CDH17: variants seen among roughly 807,000 people sequenced by gnomAD.
CDH17 encodes the protein cadherin 17.
Under a neutral mutation model 86.3 loss-of-function variants are expected in CDH17, and 67 were observed. The ratio of observed to expected loss-of-function variants is 0.78; its 90% CI spans 0.64 to 0.95. The LOEUF is 0.95. CDH17 is among the 40% of genes least tolerant of loss of function. CDH17 has a pLI of 0.00. For synonymous variants in CDH17, 367 were observed against 366.4 expected, an observed-to-expected ratio of 1.00 and a Z score of -0.02; for missense variants, 993 against 1,017.6, an observed-to-expected ratio of 0.98 and a Z score of 0.33.
intron 3 of CDH17, among the ~76,000 whole-genome samples, chr8:94,188,170 T>C (rs1477407340): frequency 1.3e-5 from 2 of 152,198 alleles, no homozygotes; most frequent in South Asian, 2.1e-4. Flanking sequence ...ATTATGGTCA[T>C]GGAACCTACT....
Position 94,189,194 on chromosome 8 carries a change from A to G in CDH17, c.143T>C (p.Ile48Thr), listed in dbSNP as rs749135119. 16 of 1,610,876 alleles carry G rather than the reference A, an allele frequency of 9.9e-6. No individual in the cohort carries two copies. Among genetic ancestry groups the G allele is most frequent in the African/African-American group, 1.3e-5 (1 of 74,706 alleles). Residue 48 changes from isoleucine (I) to threonine (T), a missense_variant, in exon 3 of 18, where the codon ATA becomes ACA. Ile to Thr is a moderately conservative substitution (Grantham distance 89, BLOSUM62 -1). Coordinates refer to ENST00000027335, the MANE Select transcript of CDH17 (RefSeq NM_004063.4). ...IYEGQEPSQIIFQFKANPPAV... is the reference protein window; with the variant it reads ...IYEGQEPSQITFQFKANPPAV... The stretch of plus-strand genomic sequence containing the variant: ...ATCAAGGGTAGCTTTTACCTGGAAT[A>G]TAATTTGACTCGGTTCTTGGCCTTC...
At chr8:94,150,309 C>G (rs1440430400) in intron 13 of CDH17, among the ~76,000 whole-genome samples, 2 of 152,080 alleles carry the variant, frequency 1.3e-5, no homozygotes, top group Non-Finnish European at 2.9e-5. Flanking sequence ...TGGGGGACGG[C>G]AGGGGCAAGG....
In CDH17 at chr8:94,151,852, C is replaced by A. The variant is rs779570353; in HGVS notation, c.1796+16G>T. 16 of 1,613,798 alleles carry A rather than the reference C, an allele frequency of 9.9e-6. No individual in the cohort carries two copies. On this transcript the variant is annotated intron_variant, in intron 13 of 17. Coordinates refer to ENST00000027335, the MANE Select transcript of CDH17 (RefSeq NM_004063.4). ...TGACCACGCAGCCAGGCCTGCCCAG[C>A]ACTGTTGCCCTTTACCTTATGTCCA...
chr8:94,137,372 G>T (rs1315002867), intron 15 of CDH17, among the ~76,000 whole-genome samples: 1 of 152,194 alleles, frequency 6.6e-6, no homozygotes, highest in Non-Finnish European at 1.5e-5. Context: ...TAGCCAGGCT[G>T]CCACCTTGCA....
At chr8:94,177,789 T>A in intron 3 of CDH17, 68 bp from the exon 4 acceptor site, 1 of 1,491,960 alleles carries the variant, frequency 6.7e-7, no homozygotes, top group African/African-American at 1.4e-5. Context: ...TTGTAGAAAG[T>A]CACCAATTTC....
chr8:94,139,912 A>AG (rs397767397), intron 15 of CDH17, among the ~76,000 whole-genome samples: 3 of 143,784 alleles, frequency 2.1e-5, no homozygotes, highest in Admixed American at 1.4e-4. Flanking sequence ...ATAAAAAAAA[A>AG]GGGGGGGTGG....
At chr8:94,134,463 C>T (rs1812482116) in intron 15 of CDH17, among the ~76,000 whole-genome samples, 2 of 152,186 alleles carry the variant, frequency 1.3e-5, no homozygotes, top group Admixed American at 1.3e-4. Context: ...ATAGTATTCT[C>T]TGATTGTAGT....
chr8:94,151,674 A>C (rs1178501704), intron 13 of CDH17, among the ~76,000 whole-genome samples, 194 bp downstream of exon 13: 3 of 152,200 alleles, frequency 2.0e-5, no homozygotes, highest in African/African-American at 7.2e-5. Flanking sequence ...GTCTGAGCCT[A>C]GATGGTTATT....
At chr8:94,190,074 G>A (rs1813658027) in intron 2 of CDH17, among the ~76,000 whole-genome samples, 1 of 152,198 alleles carries the variant, frequency 6.6e-6, no homozygotes. Flanking sequence ...GCTCACACTT[G>A]CTAAGTTAGT....
intron 7 of CDH17, among the ~76,000 whole-genome samples, chr8:94,171,422 T>G (rs1487663252): frequency 6.6e-6 from 1 of 152,132 alleles, no homozygotes; most frequent in East Asian, 1.9e-4. Flanking sequence ...TCTGAAGTCT[T>G]CTCCATGCCA....
chr8:94,208,880 T>C (rs1380124966), upstream of CDH17, among the ~76,000 whole-genome samples: 4 of 152,200 alleles, frequency 2.6e-5, no homozygotes, highest in Non-Finnish European at 5.9e-5. Context: ...AGACTTTCCA[T>C]ATTTTGTACC....
Position 94,170,445 on chromosome 8 carries a change from A to G in CDH17, c.1018T>C (p.Cys340Arg). 1 of 1,613,860 alleles carries G rather than the reference A, an allele frequency of 6.2e-7. No individual in the cohort carries two copies. The highest frequency in any genetic ancestry group is 8.5e-7 in the Non-Finnish European group (1 of 1,179,832). ...TCAAATACGGTTACTGGTGACGGAC[A>G]TGTAGGTGGATTATCATTAATATCT... Reference protein sequence around the residue: ...VKDINDNPPTCPSPVTVFEVQ... With the variant: ...VKDINDNPPTRPSPVTVFEVQ... The change falls in exon 9 of 18, where the codon TGT (cysteine) becomes CGT (arginine). Residue 340 changes from cysteine to arginine, a missense_variant. Transcript: ENST00000027335.
At chr8:94,165,162 G>A (rs1359983679) in intron 10 of CDH17, among the ~76,000 whole-genome samples, 1 of 152,170 alleles carries the variant, frequency 6.6e-6, no homozygotes, top group Non-Finnish European at 1.5e-5. Context: ...CAACAGGGTT[G>A]TTAATTGACA....
At chr8:94,199,109 T>C (rs1813856290) in intron 1 of CDH17, among the ~76,000 whole-genome samples, 1 of 145,196 alleles carries the variant, frequency 6.9e-6, no homozygotes. Context: ...CATTTGTCTG[T>C]TAGCATTACT....
At chr8:94,158,969 G>A (rs953961864) in intron 12 of CDH17, among the ~76,000 whole-genome samples, 37 of 152,104 alleles carry the variant, frequency 2.4e-4, no homozygotes, top group African/African-American at 8.7e-4. Flanking sequence ...GCAGCTTCCA[G>A]CACACTGCAC....
chr8:94,216,566 T>TG (rs1490005182), intron 1 of CDH17, among the ~76,000 whole-genome samples: 15 of 149,930 alleles, frequency 1.0e-4, no homozygotes, highest in East Asian at 2.0e-4. Context: ...AGGGTTTGTT[T>TG]TTTTTTTTTT....
chr8:94,214,685 T>A (rs1371966965), intron 1 of CDH17, among the ~76,000 whole-genome samples: 1 of 151,998 alleles, frequency 6.6e-6, no homozygotes, highest in Non-Finnish European at 1.5e-5. Context: ...CTTTTGTGAT[T>A]CAAAAAACAC....
chr8:94,157,703 G>C (rs952136802), intron 12 of CDH17, among the ~76,000 whole-genome samples: 1 of 152,154 alleles, frequency 6.6e-6, no homozygotes. Flanking sequence ...GATCACTTGA[G>C]CCCAGGAGTT....
At chr8:94,164,673 T>C (rs570131510) in intron 10 of CDH17, among the ~76,000 whole-genome samples, 1 of 152,328 alleles carries the variant, frequency 6.6e-6, no homozygotes, top group South Asian at 2.1e-4. Flanking sequence ...GAAACGTTTC[T>C]TGTTTGTTCT....
Sources: allele counts gnomAD v4.1 joint callset (sites outside exome capture counted in the v4.1 genomes callset), GRCh38; gene constraint gnomAD v4.1.1; transcripts MANE v1.5; gene names NCBI Gene and HGNC (gene_info 2026-07-23, HGNC 2026-07-21).